Variants in MYOM2 observed in about 807,000 individuals in gnomAD.
MYOM2 encodes myomesin-2.
In MYOM2, 254 loss-of-function variants were observed where a neutral mutation model predicts 187.6. That is an observed-to-expected ratio of 1.35 (90% CI 1.22 to 1.50). MYOM2 has a LOEUF of 1.50. Ranked by LOEUF, MYOM2 falls within the 40% of genes most tolerant of loss-of-function variation. MYOM2 has a pLI of 0.00. For missense variants in MYOM2, 2,796 were observed against 1,924.0 expected, an observed-to-expected ratio of 1.45 and a Z score of -8.48; for synonymous variants, 981 against 753.8, an observed-to-expected ratio of 1.30 and a Z score of -4.94.
At chr8:2,120,668 ATATATATTATAT>A (rs1324096466) in intron 28 of MYOM2, among the ~76,000 whole-genome samples, 3 of 21,352 alleles carry the variant, frequency 1.4e-4, no homozygotes, top group African/African-American at 5.2e-4. Flanking sequence ...GTATATATAT[ATATATATTATAT>A]TATATATAAA....
intron 10 of MYOM2, among the ~76,000 whole-genome samples, chr8:2,073,865 C>G: frequency 6.6e-6 from 1 of 152,208 alleles, no homozygotes. Flanking sequence ...GTTGGAGTCC[C>G]AGGGAAGAGC....
At chr8:2,085,493 T>TCGTGATCTCTGCGTGGCCTCC (rs1819801688) in intron 14 of MYOM2, 103 bp downstream of exon 14, 3 of 1,153,126 alleles carry the variant, frequency 2.6e-6, no homozygotes, top group East Asian at 3.1e-5. Context: ...GCGTGGCCCC[T>TCGTGATCTCTGCGTGGCCTCC]CACTGTTGTG....
At position 2,128,692 on chromosome 8, in the gene MYOM2, C is replaced by T. The variant is rs114946198; in HGVS notation, c.3695-435C>T. Among the ~76,000 whole-genome samples, 486 of 152,274 alleles carry T rather than the reference C, an allele frequency of 3.2e-3. 3 individuals are homozygous for T. The highest frequency in any genetic ancestry group is 0.013 in the South Asian group (61 of 4,822). On this transcript the variant is annotated intron_variant, in intron 31 of 36. Coordinates refer to ENST00000262113, the MANE Select transcript of MYOM2 (RefSeq NM_003970.4). ...GTTTCATTTGTCTTGAAGAACCAGC[C>T]GAGGTGCTCCCATCTGCTTGACTCC...
chr8:2,141,734 G>C (rs958779056), intron 34 of MYOM2, among the ~76,000 whole-genome samples: 1 of 152,156 alleles, frequency 6.6e-6, no homozygotes, highest in African/African-American at 2.4e-5. Flanking sequence ...TGTGGTTTAT[G>C]GCCATGCTGA....
chr8:2,097,904 G>C (rs1271092626), intron 18 of MYOM2: 1 of 152,232 alleles, frequency 6.6e-6, no homozygotes, highest in African/African-American at 2.4e-5. Context: ...GGAAGCACGA[G>C]AACTCGCCCC....
intron 13 of MYOM2, chr8:2,082,068 A>T (rs1224225068): frequency 1.3e-5 from 2 of 152,126 alleles, no homozygotes; most frequent in Non-Finnish European, 2.9e-5. Flanking sequence ...TTAGATGGAA[A>T]ATTGCTTGAC....
At chr8:2,098,717 T>G in intron 18 of MYOM2, 140 bp from the exon 19 acceptor site, 1 of 950,218 alleles carries the variant, frequency 1.1e-6, no homozygotes, top group Non-Finnish European at 1.5e-6. Context: ...AGGTCCTTCC[T>G]GAAATATTTG....
chr8:2,075,747 G>T (rs1301455569), intron 10 of MYOM2, among the ~76,000 whole-genome samples: 1 of 152,198 alleles, frequency 6.6e-6, no homozygotes, highest in Non-Finnish European at 1.5e-5. Flanking sequence ...TAAGGATTTT[G>T]AAATAGAAGA....
intron 32 of MYOM2, among the ~76,000 whole-genome samples, chr8:2,132,645 G>C (rs1181044047): frequency 6.6e-6 from 1 of 152,050 alleles, no homozygotes; most frequent in Non-Finnish European, 1.5e-5. Flanking sequence ...GGAGAGCAGT[G>C]GTGCCATTCT....
chr8:2,100,703 C>T (rs1300390320), intron 19 of MYOM2, among the ~76,000 whole-genome samples, 173 bp from the exon 20 acceptor site: 1 of 89,078 alleles, frequency 1.1e-5, no homozygotes, highest in Non-Finnish European at 3.0e-5. Flanking sequence ...ATGCTGAGCA[C>T]CCTCCTTACC....
intron 31 of MYOM2, among the ~76,000 whole-genome samples, 170 bp downstream of exon 31, chr8:2,124,387 A>C (rs1326248663): frequency 6.6e-6 from 1 of 152,166 alleles, no homozygotes; most frequent in Non-Finnish European, 1.5e-5. Flanking sequence ...GAAGCTTTTT[A>C]AAGGACTTCC....
intron 31 of MYOM2, among the ~76,000 whole-genome samples, chr8:2,126,306 C>A (rs1160154307): frequency 6.6e-6 from 1 of 152,088 alleles, no homozygotes; most frequent in Non-Finnish European, 1.5e-5. Flanking sequence ...GGGCTGGAGT[C>A]TCTCCCTGAC....
At position 2,145,192 on chromosome 8, in the gene MYOM2, G is replaced by A. The variant is rs1798420223; in HGVS notation, c.*211G>A. 19 of 612,062 alleles carry A rather than the reference G, an allele frequency of 3.1e-5. No individual in the cohort carries two copies. Among genetic ancestry groups the A allele is most frequent in the South Asian group, 2.2e-4 (10 of 45,500 alleles). 37.9% of individuals were successfully genotyped at this position (612,062 alleles called of 1,614,324 possible). A position where few individuals can be genotyped will look rare whatever the true frequency, so the allele number is the denominator to read the frequency against. ...AATGTTTTCCACAAGACTGAACAAC[G>A]TGTATTTACACGAGGGTAGACGGCA... is the stretch of plus-strand genomic sequence containing the variant. On this transcript the variant is annotated 3_prime_UTR_variant, in exon 37 of 37. Transcript: ENST00000262113.
At chr8:2,134,767 T>C (rs77910338) in intron 32 of MYOM2, among the ~76,000 whole-genome samples, 24,022 of 152,056 alleles carry the variant, frequency 0.16, 2,722 homozygotes, top group African/African-American at 0.3. Context: ...CGCCTGCTTT[T>C]TCCAGTGTGT....
intron 6 of MYOM2, among the ~76,000 whole-genome samples, chr8:2,063,304 G>C (rs1818910246): frequency 1.3e-5 from 2 of 152,320 alleles, no homozygotes; most frequent in Admixed American, 6.5e-5. Flanking sequence ...TCAGGAATGA[G>C]CTTTTCCTTC....
intron 10 of MYOM2, among the ~76,000 whole-genome samples, 164 bp downstream of exon 10, chr8:2,073,664 C>CT: frequency 6.6e-6 from 1 of 152,308 alleles, no homozygotes. Flanking sequence ...TGCATGGGCA[C>CT]GCCAGGTGCT....
At chr8:2,046,400 G>A (rs1818312057) in intron 1 of MYOM2, among the ~76,000 whole-genome samples, 1 of 152,204 alleles carries the variant, frequency 6.6e-6, no homozygotes, top group East Asian at 1.9e-4. Context: ...GGGGAGCTGG[G>A]CTGTGGTGGA....
chr8:2,065,899 C>T (rs1563424425), intron 6 of MYOM2, among the ~76,000 whole-genome samples: 1 of 152,206 alleles, frequency 6.6e-6, no homozygotes, highest in Non-Finnish European at 1.5e-5. Flanking sequence ...ACGGCTAAAA[C>T]ACACGGAGGA....
intron 35 of MYOM2, 21 bp from the exon 36 acceptor site, chr8:2,143,380 C>G (rs2116928057): frequency 1.2e-6 from 2 of 1,614,210 alleles, no homozygotes; most frequent in East Asian, 2.2e-5. Flanking sequence ...TTTTCCTAAC[C>G]AAGGTGCTTT....
Sources: allele counts gnomAD v4.1 joint callset (sites outside exome capture counted in the v4.1 genomes callset), GRCh38; gene constraint gnomAD v4.1.1; transcripts MANE v1.5; gene names NCBI Gene and HGNC (gene_info 2026-07-23, HGNC 2026-07-21).